Variants in GMEB2 observed in about 807,000 individuals in gnomAD.
GMEB2 encodes the protein glucocorticoid modulatory element-binding protein 2.
Under a neutral mutation model 45.7 loss-of-function variants are expected in GMEB2, and 7 were observed. The observed-to-expected ratio is 0.15, with a 90% CI of 0.09 to 0.29. The LOEUF is 0.29. GMEB2 is among the 10% of genes least tolerant of loss of function. The pLI, the probability that GMEB2 is intolerant of heterozygous loss-of-function variation, is 1.00. For missense variants in GMEB2, 582 were observed against 739.2 expected (o/e 0.79, Z 2.47); for synonymous variants, 322 against 323.6 (o/e 1.00, Z 0.05).
intron 5 of GMEB2, 66 bp from the exon 6 acceptor site, chr20:63,595,833 C>A (rs991208632): frequency 5.4e-6 from 8 of 1,483,938 alleles, no homozygotes; most frequent in Non-Finnish European, 6.6e-6. Flanking sequence ...GGCCCGCCCA[C>A]CCTGACCTGG....
chr20:63,593,003 C>A lies in GMEB2; in HGVS notation c.691+8G>T. 1.9e-6 allele frequency: 3 copies of A among 1,595,824 alleles called. No individual in the cohort carries two copies. Among genetic ancestry groups the A allele is most frequent in the Admixed American group, 3.4e-5 (2 of 59,088 alleles). ...CTTGTGAGAAGCCCACAAGGAGGAA[C>A]CTCGTACCTCCAATGGCCGCGGTCC... On this transcript the variant is annotated splice_region_variant and intron_variant, in intron 7 of 9. Transcript: ENST00000370077. The surrounding 1 kb of genome is among the most constrained non-coding windows in gnomAD (Gnocchi z 4.7).
At chr20:63,599,040 T>A (rs577532850) in intron 4 of GMEB2, among the ~76,000 whole-genome samples, 1 of 152,340 alleles carries the variant, frequency 6.6e-6, no homozygotes, top group South Asian at 2.1e-4. Context: ...GGAAGCTACA[T>A]GCTGTACTCT....
At chr20:63,626,776 C>CCGCGCCTGACGCCGCCGTTG (rs916689255) in intron 1 of GMEB2, among the ~76,000 whole-genome samples, 180 bp downstream of exon 1, 10 of 146,626 alleles carry the variant, frequency 6.8e-5, no homozygotes, top group Non-Finnish European at 1.4e-4. Context: ...CCCGCGCCGC[C>CCGCGCCTGACGCCGCCGTTG]CGCCTGACGC....
chr20:63,596,302 C>T (rs921549922), intron 5 of GMEB2, among the ~76,000 whole-genome samples: 1 of 152,242 alleles, frequency 6.6e-6, no homozygotes, highest in African/African-American at 2.4e-5. Context: ...AGGCTTCGTA[C>T]GGCCCAAACT....
At chr20:63,607,371 C>CCA (rs1555894141) in intron 2 of GMEB2, among the ~76,000 whole-genome samples, 294 of 16,732 alleles carry the variant, frequency 0.018, 13 homozygotes, top group Non-Finnish European at 0.066. Flanking sequence ...TCCCTCTGAC[C>CCA]CACCTCCATT....
intron 2 of GMEB2, among the ~76,000 whole-genome samples, chr20:63,606,945 C>T (rs1236441701): frequency 6.6e-6 from 1 of 152,216 alleles, no homozygotes; most frequent in Admixed American, 6.5e-5. Flanking sequence ...GATGGTGGTG[C>T]CGGCCCAGGA....
chr20:63,590,475 ACAC>A lies in GMEB2; in HGVS notation c.1204_1206del (p.Val402del). ...CCCAGGACGGTGGACGGCAGGGTGG[ACAC>A]CACTTTACCAAGGGGCACGCTGGTC... On this transcript the variant is annotated inframe_deletion, in exon 10 of 10. Coordinates refer to ENST00000370077, the MANE Select transcript of GMEB2 (RefSeq NM_012384.5). 2.0e-6 allele frequency: 3 copies of A among 1,505,308 alleles called. No individual in the cohort carries two copies. The highest frequency in any genetic ancestry group is 2.7e-6 in the Non-Finnish European group (3 of 1,120,842). The allele number at this position is 1,505,308 out of a possible 1,614,324, so 93.2% of individuals were successfully genotyped here.
Position 63,592,706 on chromosome 20 carries a change from A to G in GMEB2, c.692-36T>C. The G allele has an allele frequency of 1.9e-6, 3 of 1,593,770 alleles. No individual in the cohort carries two copies. Among genetic ancestry groups the G allele is most frequent in the Non-Finnish European group, 2.6e-6 (3 of 1,163,616 alleles). On this transcript the variant is annotated intron_variant, in intron 7 of 9. Transcript: ENST00000370077. This position sits in a 1 kb window ranked among gnomAD's most constrained non-coding sequence, Gnocchi z 8.2. ...AGGAGTGGGTTCAGTGGGCAGGGAA[A>G]GTGCTGCTACACGGGGCAGCCACCA...
chr20:63,609,195 A>G (rs6090472), intron 2 of GMEB2, among the ~76,000 whole-genome samples: 1,398 of 12,244 alleles, frequency 0.11, 421 homozygotes, highest in Non-Finnish European at 0.26. Flanking sequence ...TTCTAGAAAC[A>G]TGCCACTCTG....
chr20:63,616,571 A>G (rs1364714299), intron 2 of GMEB2, among the ~76,000 whole-genome samples: 1 of 152,290 alleles, frequency 6.6e-6, no homozygotes, highest in Non-Finnish European at 1.5e-5. Context: ...GCAGACGCAG[A>G]GAGCAGCAAG....
intron 9 of GMEB2, among the ~76,000 whole-genome samples, 167 bp from the exon 10 acceptor site, chr20:63,590,896 G>T (rs1431694304): frequency 6.6e-6 from 1 of 152,182 alleles, no homozygotes; most frequent in Non-Finnish European, 1.5e-5. Context: ...GCCGCCAAAG[G>T]TGAGGTCTGT....
chr20:63,588,716 C>T lies in GMEB2; in HGVS notation c.*1373G>A, dbSNP rs1347369845. 2.8e-5 allele frequency: 11 copies of T among 398,590 alleles called. No homozygotes were observed. The highest frequency in any genetic ancestry group is 4.9e-5 in the Non-Finnish European group (11 of 226,124). 24.7% of individuals were successfully genotyped at this position (398,590 alleles called of 1,614,324 possible). The stretch of plus-strand genomic sequence containing the variant: ...GACCCTCGCATTGCGGGGCCTCAGA[C>T]GGGCCTTCAACTGCCGACAGAATCA... On this transcript the variant is annotated 3_prime_UTR_variant, in exon 10 of 10. Transcript: ENST00000370077.
Position 63,590,073 on chromosome 20 carries a change from C to G in GMEB2, c.*16G>C, listed in dbSNP as rs759060075. 1.3e-6 allele frequency: 2 copies of G among 1,498,450 alleles called. No homozygotes were observed. The highest frequency in any genetic ancestry group is 1.8e-6 in the Non-Finnish European group (2 of 1,126,448). 92.8% of individuals were successfully genotyped at this position (1,498,450 alleles called of 1,614,324 possible). On this transcript the variant is annotated 3_prime_UTR_variant, in exon 10 of 10. Transcript: ENST00000370077. ...AGCCAGCCCTGTCCGTCCCAGGGGCCTCGCCCTCCTGTCGGCTACTTCCGC... is the reference window on the plus strand; with the variant it reads ...AGCCAGCCCTGTCCGTCCCAGGGGCGTCGCCCTCCTGTCGGCTACTTCCGC...
At chr20:63,603,120 G>C in intron 3 of GMEB2, 28 bp from the exon 4 acceptor site, 1 of 1,611,988 alleles carries the variant, frequency 6.2e-7, no homozygotes, top group Non-Finnish European at 8.5e-7. Context: ...GACAGGGAAG[G>C]GTAAAAGCAG....
intron 9 of GMEB2, among the ~76,000 whole-genome samples, chr20:63,591,400 T>C (rs1285268988): frequency 6.6e-6 from 1 of 151,904 alleles, no homozygotes; most frequent in Non-Finnish European, 1.5e-5. Flanking sequence ...AAGAGGAGCA[T>C]GGAGGAAACG....
chr20:63,590,533 C>T lies in GMEB2; in HGVS notation c.1149G>A (p.Ala383=), dbSNP rs1388683640. Residue 383 remains alanine, a synonymous_variant, in exon 10 of 10, where the codon GCG becomes GCA. Coordinates refer to ENST00000370077, the MANE Select transcript of GMEB2 (RefSeq NM_012384.5). ...GGGGGACGGGCACGCCCGGGCCAAGCGCCAGCTGGGCAGACTGGGTGAGCA... is the reference window on the plus strand; with the variant it reads ...GGGGGACGGGCACGCCCGGGCCAAGTGCCAGCTGGGCAGACTGGGTGAGCA... ...SQVLTQSAQL[A]LGPGVPVPQL... The T allele has an allele frequency of 2.6e-6, 4 of 1,525,314 alleles. No individual in the cohort carries two copies. Among genetic ancestry groups the T allele is most frequent in the African/African-American group, 1.4e-5 (1 of 72,990 alleles). The allele number at this position is 1,525,314 out of a possible 1,614,324, so 94.5% of individuals were successfully genotyped here. A position where few individuals can be genotyped will look rare whatever the true frequency, so the allele number is the denominator to read the frequency against.
intron 4 of GMEB2, 81 bp from the exon 5 acceptor site, chr20:63,597,941 C>T: frequency 1.2e-6 from 1 of 826,968 alleles, no homozygotes; most frequent in South Asian, 1.3e-5. Flanking sequence ...GACCCTGAGT[C>T]AGGCGCGCAA....
intron 2 of GMEB2, among the ~76,000 whole-genome samples, chr20:63,612,196 G>A (rs573764551): frequency 5.0e-4 from 76 of 152,332 alleles, no homozygotes; most frequent in Non-Finnish European, 8.8e-4. Flanking sequence ...GATGGTCTCA[G>A]AATAAAGACC....
At chr20:63,615,803 T>C (rs1488768321) in intron 2 of GMEB2, among the ~76,000 whole-genome samples, 7 of 152,180 alleles carry the variant, frequency 4.6e-5, no homozygotes, top group Non-Finnish European at 1.0e-4. Flanking sequence ...CGACGCCCCA[T>C]GCTCCCTTTG....
Sources: gnomAD v4.1 joint callset for allele counts (sites outside exome capture counted in the v4.1 genomes callset) on GRCh38, gnomAD v4.1.1 for gene constraint, Gnocchi (gnomAD v3.1) non-coding constraint, MANE v1.5 for transcripts, NCBI Gene and HGNC (gene_info 2026-07-23, HGNC 2026-07-21) for gene names.